Variants in MEIS1 observed in about 807,000 individuals in gnomAD.
MEIS1 encodes homeobox protein Meis1.
In MEIS1, 5 loss-of-function variants were observed where a neutral mutation model predicts 50.8. The observed-to-expected ratio is 0.10, with a 90% CI of 0.05 to 0.21. The LOEUF (loss-of-function observed/expected upper bound fraction) is 0.21, where lower values mean the gene tolerates loss of function less well. MEIS1 is among the 10% of genes least tolerant of loss of function. The pLI is 1.00. For missense variants in MEIS1, 318 were observed against 517.3 expected, an observed-to-expected ratio of 0.61 and a Z score of 3.74; for synonymous variants, 176 against 179.3, an observed-to-expected ratio of 0.98 and a Z score of 0.15.
intron 6 of MEIS1, among the ~76,000 whole-genome samples, chr2:66,451,041 G>T (rs1161937889): frequency 6.6e-6 from 1 of 151,850 alleles, no homozygotes. Context: ...GTTTGTTTTC[G>T]TGAGAAAATG....
intron 9 of MEIS1, among the ~76,000 whole-genome samples, chr2:66,552,189 C>G (rs1234755632): frequency 1.3e-5 from 2 of 152,108 alleles, no homozygotes; most frequent in African/African-American, 4.8e-5. Context: ...TGGGAATTCC[C>G]TGTGATGAAA....
At chr2:66,484,239 T>A (rs769433844) in intron 7 of MEIS1, among the ~76,000 whole-genome samples, 6 of 152,212 alleles carry the variant, frequency 3.9e-5, no homozygotes, top group Non-Finnish European at 7.3e-5. Context: ...TACCACTTTT[T>A]TCATCTACCA....
intron 7 of MEIS1, among the ~76,000 whole-genome samples, chr2:66,473,131 C>A (rs1184871817): frequency 1.3e-5 from 2 of 151,818 alleles, no homozygotes; most frequent in African/African-American, 4.8e-5. Context: ...GTAATCCCAG[C>A]ACTTTGGGAC....
At chr2:66,473,398 AT>A (rs1191932212) in intron 7 of MEIS1, among the ~76,000 whole-genome samples, 1,623 of 97,550 alleles carry the variant, frequency 0.017, 32 homozygotes, top group Non-Finnish European at 0.023. Context: ...AAAAAAAAAA[AT>A]ATATATATAT....
intron 8 of MEIS1, among the ~76,000 whole-genome samples, chr2:66,525,894 CAGAGG>C (rs1399646312): frequency 6.6e-6 from 1 of 152,252 alleles, no homozygotes; most frequent in Non-Finnish European, 1.5e-5. Context: ...TAGACTCCTG[CAGAGG>C]CTCTGCAGAT....
chr2:66,522,679 T>G (rs1674153290), intron 8 of MEIS1, among the ~76,000 whole-genome samples: 1 of 152,204 alleles, frequency 6.6e-6, no homozygotes, highest in South Asian at 2.1e-4. Context: ...AATTATGTGA[T>G]GGAGTAATTA....
At chr2:66,493,766 A>G (rs931678452) in intron 7 of MEIS1, among the ~76,000 whole-genome samples, 1 of 152,216 alleles carries the variant, frequency 6.6e-6, no homozygotes, top group Non-Finnish European at 1.5e-5. Flanking sequence ...CCACTATCGT[A>G]TGTTCTCTAA....
At chr2:66,536,349 AC>A (rs1674517197) in intron 8 of MEIS1, among the ~76,000 whole-genome samples, 1 of 152,236 alleles carries the variant, frequency 6.6e-6, no homozygotes, top group Non-Finnish European at 1.5e-5. Flanking sequence ...CATTATGTTC[AC>A]CAGGGTCTGC....
chr2:66,482,276 G>A (rs989819584), intron 7 of MEIS1, among the ~76,000 whole-genome samples: 3 of 152,074 alleles, frequency 2.0e-5, no homozygotes, highest in African/African-American at 7.2e-5. Flanking sequence ...ATTCTGAAAT[G>A]TGCCCACCCT....
intron 7 of MEIS1, among the ~76,000 whole-genome samples, chr2:66,473,397 A>T (rs13031533): frequency 0.013 from 1,384 of 107,196 alleles, 14 homozygotes; most frequent in East Asian, 0.028. Context: ...AAAAAAAAAA[A>T]ATATATATAT....
intron 8 of MEIS1, among the ~76,000 whole-genome samples, chr2:66,542,588 T>G (rs1223742868): frequency 6.6e-6 from 1 of 152,232 alleles, no homozygotes; most frequent in Middle Eastern, 3.2e-3. Context: ...CTACCTCTAT[T>G]GCTTTGTTAT....
chr2:66,465,917 C>T (rs1672623689), intron 7 of MEIS1, among the ~76,000 whole-genome samples: 1 of 152,172 alleles, frequency 6.6e-6, no homozygotes, highest in Non-Finnish European at 1.5e-5. Flanking sequence ...CTCCAAAGGC[C>T]TATTTAATAA....
intron 8 of MEIS1, among the ~76,000 whole-genome samples, chr2:66,513,608 A>G (rs1428369359): frequency 1.3e-5 from 2 of 152,168 alleles, no homozygotes; most frequent in Non-Finnish European, 2.9e-5. Context: ...AAAAAAAAAA[A>G]AAGTTTCCTC....
intron 1 of MEIS1, among the ~76,000 whole-genome samples, chr2:66,436,669 G>A (rs1370340571): frequency 6.6e-6 from 1 of 152,194 alleles, no homozygotes; most frequent in Non-Finnish European, 1.5e-5. Context: ...CTTTGGTTCA[G>A]GCAAATGTCA....
At chr2:66,474,970 A>G (rs566518363) in intron 7 of MEIS1, among the ~76,000 whole-genome samples, 4 of 151,988 alleles carry the variant, frequency 2.6e-5, no homozygotes, top group African/African-American at 7.2e-5. Flanking sequence ...GAATTTGCCA[A>G]TGGGCTTGTT....
rs370711381 is a variant in MEIS1, at chr2:66,496,462, T to C, written c.743-15687T>C. Among the ~76,000 whole-genome samples, 28 of 152,138 alleles carry C rather than the reference T, an allele frequency of 1.8e-4. No individual in the cohort carries two copies. The East Asian group carries it at 3.3e-3, about 18-fold the overall frequency. On this transcript the variant is annotated intron_variant, in intron 7 of 12. Coordinates refer to ENST00000272369, the MANE Select transcript of MEIS1 (RefSeq NM_002398.3). ...GGCCTGGTCAGTGTGAATTGCCCAA[T>C]TTCATAGTGTGCACGGGGGTCTCAG...
chr2:66,564,307 GC>G (rs1298614119), intron 9 of MEIS1, among the ~76,000 whole-genome samples: 1 of 152,112 alleles, frequency 6.6e-6, no homozygotes, highest in African/African-American at 2.4e-5. Context: ...AACAGTTCTT[GC>G]CACCAAAAAG....
intron 7 of MEIS1, among the ~76,000 whole-genome samples, chr2:66,501,859 C>T (rs1336545270): frequency 2.0e-5 from 3 of 152,004 alleles, no homozygotes; most frequent in African/African-American, 7.2e-5. Context: ...TGCACATTCA[C>T]ATTTTGTCAA....
intron 2 of MEIS1, among the ~76,000 whole-genome samples, chr2:66,438,260 G>A (rs1365255371): frequency 6.6e-6 from 1 of 152,236 alleles, no homozygotes; most frequent in African/African-American, 2.4e-5. Flanking sequence ...TCCTTCAGCG[G>A]GCTGGAGTCC....
Sources: gnomAD v4.1 joint callset for allele counts (sites outside exome capture counted in the v4.1 genomes callset) on GRCh38, gnomAD v4.1.1 for gene constraint, MANE v1.5 for transcripts, NCBI Gene and HGNC (gene_info 2026-07-23, HGNC 2026-07-21) for gene names.